Variants in CLPTM1L observed in about 807,000 individuals in gnomAD.
CLPTM1L encodes the protein CLPTM1 like, also known as lipid scramblase CLPTM1L.
A neutral mutation model predicts 70.9 loss-of-function variants in CLPTM1L; 38 were observed. The ratio of observed to expected loss-of-function variants is 0.54; its 90% confidence interval spans 0.41 to 0.70. The LOEUF (loss-of-function observed/expected upper bound fraction) is 0.70. CLPTM1L is among the 30% of genes least tolerant of loss of function. The probability of loss-of-function intolerance (pLI) is 0.00; values close to 1 mark genes in which losing one functional copy is unlikely to be tolerated. For synonymous variants in CLPTM1L, 339 were observed against 299.9 expected (o/e 1.13, Z -1.35); for missense variants, 652 against 705.9 (o/e 0.92, Z 0.87).
chr5:1,344,715 TG>T lies in CLPTM1L; in HGVS notation c.126del (p.Cys42Ter). 1 of 1,588,824 alleles carries T rather than the reference TG, an allele frequency of 6.3e-7. No homozygotes were observed. The highest frequency in any genetic ancestry group is 8.6e-7 in the Non-Finnish European group (1 of 1,169,444). On this transcript the variant is annotated frameshift_variant, in exon 1 of 17. Transcript: ENST00000320895. LOFTEE classifies it high-confidence loss of function. ...YTRPCSGDAN[C>X]IQPYLARRPK... is the part of the protein sequence containing the mutation. ...GGCCGCCGCGCCAGGTAGGGCTGGATGCAGTTGGCGTCGCCGGAGCACGGGC... is the reference window on the plus strand; with the variant it reads ...GGCCGCCGCGCCAGGTAGGGCTGGATCAGTTGGCGTCGCCGGAGCACGGGC...
chr5:1,332,548 A>G (rs1183990925), intron 7 of CLPTM1L, among the ~76,000 whole-genome samples: 2 of 152,356 alleles, frequency 1.3e-5, no homozygotes, highest in East Asian at 3.8e-4. Flanking sequence ...GCCTAACCAC[A>G]GGCCAGCCTA....
At position 1,342,694 on chromosome 5, in the gene CLPTM1L, C is replaced by A. The variant is rs570036749; in HGVS notation, c.264-834G>T. On this transcript the variant is annotated intron_variant, in intron 2 of 16. Coordinates refer to ENST00000320895, the MANE Select transcript of CLPTM1L (RefSeq NM_030782.5). This position sits in a 1 kb window ranked among gnomAD's most constrained non-coding sequence, Gnocchi z 4.3. ...CCTCAACCTCCTGAGCTCAAGTGAC[C>A]TCCCGCCTCAGTCTCCCGAGTAGCT... Among the ~76,000 whole-genome samples, 7 of 152,338 alleles carry A rather than the reference C, an allele frequency of 4.6e-5. No homozygotes were observed. The South Asian group carries it at 1.2e-3, about 27-fold the overall frequency.
intron 3 of CLPTM1L, among the ~76,000 whole-genome samples, chr5:1,340,835 T>G (rs539064756): frequency 7.2e-4 from 110 of 152,372 alleles, no homozygotes; most frequent in Non-Finnish European, 1.1e-3. Flanking sequence ...CAGGCTGGAA[T>G]GCAGTGGCAT....
intron 4 of CLPTM1L, chr5:1,338,297 C>T (rs370092999): frequency 1.7e-5 from 7 of 416,566 alleles, no homozygotes; most frequent in Non-Finnish European, 2.7e-5. Flanking sequence ...CGCACTGACA[C>T]GGAGCAATCC....
rs1313755136 is a variant in CLPTM1L at position 1,335,085 on chromosome 5, C to T, written c.768G>A (p.Gln256=). 5 of 1,613,402 alleles carry T rather than the reference C, an allele frequency of 3.1e-6. No individual in the cohort carries two copies. The highest frequency in any genetic ancestry group is 4.2e-6 in the Non-Finnish European group (5 of 1,180,006). Residue 256 remains glutamine (Q), a synonymous_variant, in exon 6 of 17, where the codon CAG becomes CAA. Transcript: ENST00000320895. ...LGRLRFWIHM[Q]DAVYSLQQFG... ...ACTGCTGCAGGGAGTACACGGCGTC[C>T]TGCATGTGGATCCAGAAGCGCAGCC... is the stretch of plus-strand genomic sequence containing the variant.
At chr5:1,343,281 C>A (rs1754062112) in intron 2 of CLPTM1L, among the ~76,000 whole-genome samples, 1 of 152,138 alleles carries the variant, frequency 6.6e-6, no homozygotes, top group Non-Finnish European at 1.5e-5. Context: ...TATGTCTCCA[C>A]CAGGACATCT....
intron 5 of CLPTM1L, among the ~76,000 whole-genome samples, chr5:1,336,055 C>A (rs1330185432): frequency 6.6e-6 from 1 of 152,264 alleles, no homozygotes; most frequent in Non-Finnish European, 1.5e-5. Flanking sequence ...ATCAGAGCCA[C>A]AACCAGCAGG....
chr5:1,333,911 G>A (rs1332547999), intron 7 of CLPTM1L, among the ~76,000 whole-genome samples: 3 of 152,068 alleles, frequency 2.0e-5, no homozygotes, highest in Non-Finnish European at 4.4e-5. Flanking sequence ...GCCCAGCTCC[G>A]CCCCTGGCTC....
At chr5:1,322,826 C>T (rs756684328) in intron 13 of CLPTM1L, 51 bp downstream of exon 13, 11 of 1,585,978 alleles carry the variant, frequency 6.9e-6, no homozygotes, top group Admixed American at 3.3e-5. Context: ...ACAATTAAAT[C>T]GCTGCCTGCT....
rs774303184 is a variant in CLPTM1L at position 1,324,075 on chromosome 5, G to A, written c.1198-206C>T. On this transcript the variant is annotated intron_variant, in intron 11 of 16. Transcript: ENST00000320895. ...CCCAGGAGGCACCGCACACGCCAGA[G>A]CCCGGGTGTAACTACAGGCGCTAGT... 1.9e-5 allele frequency: 11 copies of A among 576,352 alleles called. No individual in the cohort carries two copies. In the African/African-American group the frequency reaches 2.1e-4, roughly 11 times the overall value. The allele number at this position is 576,352 out of a possible 1,614,324, so 35.7% of individuals were successfully genotyped here. A position where few individuals can be genotyped will look rare whatever the true frequency, so the allele number is the denominator to read the frequency against.
chr5:1,341,058 G>A (rs1347092614), intron 3 of CLPTM1L, among the ~76,000 whole-genome samples: 1 of 152,198 alleles, frequency 6.6e-6, no homozygotes, highest in East Asian at 1.9e-4. Context: ...GAGCCACTGC[G>A]CCCGGCCTTG....
chr5:1,336,182 C>T (rs1359882093), intron 5 of CLPTM1L, among the ~76,000 whole-genome samples: 1 of 152,250 alleles, frequency 6.6e-6, no homozygotes. Flanking sequence ...CGAAGGGTGT[C>T]ACTGCCTCCT....
At chr5:1,332,904 C>CT (rs1753199650) in intron 7 of CLPTM1L, among the ~76,000 whole-genome samples, 1 of 152,208 alleles carries the variant, frequency 6.6e-6, no homozygotes, top group African/African-American at 2.4e-5. Flanking sequence ...GGATGAGGGA[C>CT]TACTGTATAA....
chr5:1,338,962 G>A lies in CLPTM1L; in HGVS notation c.497C>T (p.Pro166Leu). 1 of 1,613,378 alleles carries A rather than the reference G, an allele frequency of 6.2e-7. No individual in the cohort carries two copies. The highest frequency in any genetic ancestry group is 8.5e-7 in the Non-Finnish European group (1 of 1,180,024). ...EKKPTSALDE[P>L]VSHWRPRLAL... ...CAGCCGCGGTCGCCAGTGGGACACTGGCTCATCCAGGGCACTCGTCGGCTT... is the reference window on the plus strand; with the variant it reads ...CAGCCGCGGTCGCCAGTGGGACACTAGCTCATCCAGGGCACTCGTCGGCTT... The change falls in exon 4 of 17, where the codon CCA (proline) becomes CTA (leucine). Residue 166 changes from proline to leucine, a missense_variant. Transcript: ENST00000320895.
At chr5:1,323,723 TCA>T (rs1198839302) in intron 12 of CLPTM1L, 62 bp downstream of exon 12, 15 of 1,431,286 alleles carry the variant, frequency 1.0e-5, no homozygotes, top group Non-Finnish European at 1.5e-5. Context: ...CCGCTCTGGC[TCA>T]GTCATCCAAA....
intron 13 of CLPTM1L, among the ~76,000 whole-genome samples, chr5:1,322,449 T>A (rs1209695858): frequency 6.6e-6 from 1 of 152,228 alleles, no homozygotes; most frequent in African/African-American, 2.4e-5. Flanking sequence ...GCCTGGTGCT[T>A]CCATTTGCTC....
At chr5:1,338,215 A>C in intron 4 of CLPTM1L, 1 of 583,906 alleles carries the variant, frequency 1.7e-6, no homozygotes, top group Non-Finnish European at 3.1e-6. Context: ...CAGGTGGGAA[A>C]ATGCCTCCAC....
intron 13 of CLPTM1L, 95 bp downstream of exon 13, chr5:1,322,782 A>T (rs1752234024): frequency 1.5e-6 from 2 of 1,300,730 alleles, no homozygotes. Context: ...CTCAAATCAC[A>T]GGGGGGCTTG....
intron 7 of CLPTM1L, among the ~76,000 whole-genome samples, chr5:1,332,514 G>C (rs1182594655): frequency 2.0e-5 from 3 of 152,224 alleles, no homozygotes; most frequent in Admixed American, 6.5e-5. Flanking sequence ...CTCAGAACCA[G>C]TGCCGGCCGC....
Sources: allele counts gnomAD v4.1 joint callset (sites outside exome capture counted in the v4.1 genomes callset), GRCh38; gene constraint gnomAD v4.1.1; non-coding constraint Gnocchi (gnomAD v3.1); transcripts MANE v1.5; gene names NCBI Gene and HGNC (gene_info 2026-07-23, HGNC 2026-07-21).